SPATA6: variants seen among roughly 807,000 people sequenced by gnomAD.
The protein encoded by SPATA6 is spermatogenesis associated 6, also known as spermatogenesis-associated protein 6.
Under a neutral mutation model 65.3 loss-of-function variants are expected in SPATA6, and 56 were observed. The observed-to-expected ratio is 0.86, with a 90% CI of 0.69 to 1.07. The LOEUF is 1.07. Ranked by LOEUF, SPATA6 falls within the 50% of genes least tolerant of loss-of-function variation. The pLI is 0.00. For missense variants in SPATA6, 590 were observed against 594.8 expected (o/e 0.99, Z 0.08); for synonymous variants, 199 against 213.2 (o/e 0.93, Z 0.58).
At chr1:48,332,608 A>G (rs1383927358) in intron 11 of SPATA6, among the ~76,000 whole-genome samples, 1 of 152,148 alleles carries the variant, frequency 6.6e-6, no homozygotes, top group Non-Finnish European at 1.5e-5. Flanking sequence ...AGAGACTTAG[A>G]CTCCCACAGA....
intron 3 of SPATA6, among the ~76,000 whole-genome samples, chr1:48,424,371 G>A (rs1653642081): frequency 6.6e-6 from 1 of 152,170 alleles, no homozygotes. Context: ...TTGAGTAAAT[G>A]TATACTTTAT....
At chr1:48,317,697 C>CA (rs1367881656) in intron 11 of SPATA6, among the ~76,000 whole-genome samples, 1 of 151,688 alleles carries the variant, frequency 6.6e-6, no homozygotes. Flanking sequence ...AAACTTAACA[C>CA]AAAGAAGAGC....
At chr1:48,377,729 CT>C (rs1376193063) in intron 9 of SPATA6, among the ~76,000 whole-genome samples, 1 of 152,060 alleles carries the variant, frequency 6.6e-6, no homozygotes, top group African/African-American at 2.4e-5. Context: ...GTCACATAAT[CT>C]TTTTTAAAGA....
intron 11 of SPATA6, among the ~76,000 whole-genome samples, chr1:48,337,133 T>C (rs1231184048): frequency 6.6e-6 from 1 of 151,872 alleles, no homozygotes; most frequent in East Asian, 1.9e-4. Flanking sequence ...TTAATTTAGA[T>C]GCAAAAATCT....
intron 5 of SPATA6, among the ~76,000 whole-genome samples, chr1:48,404,626 A>C (rs1036502285): frequency 1.3e-5 from 2 of 152,110 alleles, no homozygotes; most frequent in Admixed American, 6.6e-5. Context: ...TACAGGCATG[A>C]GCCACTGGGT....
At chr1:48,407,953 T>C (rs1651860581) in intron 5 of SPATA6, among the ~76,000 whole-genome samples, 1 of 152,204 alleles carries the variant, frequency 6.6e-6, no homozygotes, top group South Asian at 2.1e-4. Flanking sequence ...GAGACCATAA[T>C]TTTAAAATGT....
intron 1 of SPATA6, among the ~76,000 whole-genome samples, chr1:48,458,357 C>T (rs1390418794): frequency 6.6e-6 from 1 of 152,128 alleles, no homozygotes; most frequent in Non-Finnish European, 1.5e-5. Flanking sequence ...AAGAAATAAA[C>T]TACTATTACG....
chr1:48,276,534 T>C, the SPATA6 span, among the ~76,000 whole-genome samples: 4 of 152,240 alleles, frequency 2.6e-5, no homozygotes, highest in African/African-American at 9.6e-5. Context: ...GTATGTTGTG[T>C]CTTTGTTCTT....
chr1:48,332,396 C>T (rs1645941868), intron 11 of SPATA6, among the ~76,000 whole-genome samples: 1 of 152,002 alleles, frequency 6.6e-6, no homozygotes, highest in Non-Finnish European at 1.5e-5. Context: ...GAAATATCTA[C>T]CAAGCAAATG....
At chr1:48,391,381 A>T (rs368569242) in intron 8 of SPATA6, among the ~76,000 whole-genome samples, 2 of 152,038 alleles carry the variant, frequency 1.3e-5, no homozygotes, top group East Asian at 3.9e-4. Context: ...TCTCAAAAAA[A>T]AAAAGGACAA....
intron 5 of SPATA6, among the ~76,000 whole-genome samples, chr1:48,404,385 G>A (rs1651487834): frequency 6.6e-6 from 1 of 151,968 alleles, no homozygotes; most frequent in Admixed American, 6.6e-5. Flanking sequence ...TAGAGACAAG[G>A]TCTCTGGAGT....
chr1:48,399,313 G>T (rs752644916), intron 7 of SPATA6, 38 bp downstream of exon 7: 148 of 1,568,862 alleles, frequency 9.4e-5, no homozygotes, highest in Non-Finnish European at 1.2e-4. Flanking sequence ...GAAAAAAGCT[G>T]ATCAGTTTCA....
At chr1:48,452,850 T>A in intron 2 of SPATA6, 144 bp downstream of exon 2, 2 of 994,658 alleles carry the variant, frequency 2.0e-6, no homozygotes, top group Non-Finnish European at 2.8e-6. Context: ...TTTTCAAGCT[T>A]CCAGGCTTAG....
intron 3 of SPATA6, among the ~76,000 whole-genome samples, chr1:48,423,688 T>C (rs1423504704): frequency 6.6e-6 from 1 of 150,774 alleles, no homozygotes; most frequent in African/African-American, 2.4e-5. Context: ...GCTGGAATTA[T>C]AGGCATCCGC....
the SPATA6 span, among the ~76,000 whole-genome samples, chr1:48,289,403 G>A: frequency 6.6e-6 from 1 of 152,330 alleles, no homozygotes; most frequent in African/African-American, 2.4e-5. Context: ...AGAAACCAGA[G>A]CAGAAAAGCT....
At position 48,363,598 on chromosome 1, in the gene SPATA6, G is replaced by C. The variant is rs1035664716; in HGVS notation, c.910-3828C>G. On this transcript the variant is annotated intron_variant, in intron 9 of 12. Coordinates refer to ENST00000371847, the MANE Select transcript of SPATA6 (RefSeq NM_019073.4). ...AGCATTTATACTTCAGCATAAAAAA[G>C]TCTTTTTTTTACATTTATGAAAAGA... 3.3e-5 allele frequency among the ~76,000 whole-genome samples: 5 copies of C among 151,844 alleles called. No individual in the cohort carries two copies. The South Asian group carries it at 8.3e-4, about 25-fold the overall frequency.
chr1:48,463,042 G>A (rs933386121), intron 1 of SPATA6, among the ~76,000 whole-genome samples: 4 of 152,078 alleles, frequency 2.6e-5, no homozygotes, highest in Non-Finnish European at 4.4e-5. Context: ...AGAACTGCAG[G>A]TTCTCAACCC....
chr1:48,421,734 A>T (rs1256527065), intron 3 of SPATA6, among the ~76,000 whole-genome samples: 2 of 152,176 alleles, frequency 1.3e-5, no homozygotes, highest in Non-Finnish European at 2.9e-5. Flanking sequence ...AGCAGCAAGA[A>T]AAATATAATA....
the SPATA6 span, among the ~76,000 whole-genome samples, chr1:48,274,300 A>T: frequency 6.6e-6 from 1 of 151,870 alleles, no homozygotes; most frequent in Non-Finnish European, 1.5e-5. Context: ...TTGCCTGTTC[A>T]CTCTGATGAT....
Sources: gnomAD v4.1 joint callset for allele counts (sites outside exome capture counted in the v4.1 genomes callset) on GRCh38, gnomAD v4.1.1 for gene constraint, MANE v1.5 for transcripts, NCBI Gene and HGNC (gene_info 2026-07-23, HGNC 2026-07-21) for gene names.